Variants in MACF1 observed in about 807,000 individuals in gnomAD.
The protein encoded by MACF1 is microtubule actin crosslinking factor 1, also known as microtubule-actin cross-linking factor 1.
In MACF1, 193 loss-of-function variants were observed where a neutral mutation model predicts 854.8. That is an observed-to-expected ratio of 0.23 (90% CI 0.20 to 0.25). The LOEUF is 0.25. Ranked by LOEUF, MACF1 falls within the 10% of genes least tolerant of loss-of-function variation. MACF1 has a pLI of 1.00. For synonymous variants in MACF1, 3,185 were observed against 3,226.7 expected (o/e 0.99, Z 0.44); for missense variants, 7,722 against 8,929.1 (o/e 0.86, Z 5.45).
At position 39,105,894 on chromosome 1, in the gene MACF1, C is replaced by G. The variant is rs961004294; in HGVS notation, c.220+21456C>G. 6.6e-6 allele frequency among the ~76,000 whole-genome samples: 1 copy of G among 151,192 alleles called. No individual in the cohort carries two copies. The highest frequency in any genetic ancestry group is 6.6e-5 in the Admixed American group (1 of 15,188). ...GTTTATTTACAGAGTTGAGATAAGC[C>G]TTCGGAAACCGCCCCCGGGGCAGTC... On this transcript the variant is annotated intron_variant, in intron 2 of 93. Coordinates refer to the MACF1 transcript ENST00000361689. This position sits in a 1 kb window ranked among gnomAD's most constrained non-coding sequence, Gnocchi z 5.9.
At chr1:39,123,712 G>GTTTT (rs1206815949) in intron 2 of MACF1, among the ~76,000 whole-genome samples, 3 of 77,486 alleles carry the variant, frequency 3.9e-5, no homozygotes, top group African/African-American at 1.5e-4. Flanking sequence ...GCTAATTCTT[G>GTTTT]TTTTGTTTTT....
intron 36 of MACF1, 79 bp downstream of exon 36, chr1:39,327,432 A>G: frequency 7.0e-7 from 1 of 1,421,282 alleles, no homozygotes; most frequent in Non-Finnish European, 9.5e-7. Flanking sequence ...ATTCAGAGTC[A>G]TGATCACTAG....
intron 31 of MACF1, 70 bp from the exon 32 acceptor site, chr1:39,322,538 A>G: frequency 7.6e-7 from 1 of 1,312,114 alleles, no homozygotes; most frequent in Non-Finnish European, 1.1e-6. Flanking sequence ...ATAAAAAGCT[A>G]TGATTTATTA....
intron 95 of MACF1, 114 bp downstream of exon 95, chr1:39,465,226 C>T: frequency 9.5e-7 from 1 of 1,057,094 alleles, no homozygotes; most frequent in Non-Finnish European, 1.5e-6. Context: ...TGGGTCGCAC[C>T]TGGTTGTCTT....
intron 2 of MACF1, among the ~76,000 whole-genome samples, chr1:39,109,727 C>T (rs1301046782): frequency 1.3e-5 from 2 of 151,876 alleles, no homozygotes; most frequent in Non-Finnish European, 1.5e-5. Context: ...AATTTAGGCA[C>T]AGAGACTTAA....
At chr1:39,414,276 G>A (rs370308840) in intron 58 of MACF1, 5 of 1,614,052 alleles carry the variant, frequency 3.1e-6, no homozygotes, top group Non-Finnish European at 4.2e-6. Flanking sequence ...CCATTGGTGT[G>A]CCCTTCCTGG....
intron 52 of MACF1, 84 bp downstream of exon 52, chr1:39,372,680 G>A: frequency 1.1e-6 from 1 of 911,284 alleles, no homozygotes; most frequent in Non-Finnish European, 1.8e-6. Flanking sequence ...TATAATTAAA[G>A]TGAAAATCAA....
chr1:39,282,141 G>T, intron 6 of MACF1, 67 bp from the exon 7 acceptor site: 2 of 1,543,492 alleles, frequency 1.3e-6, no homozygotes. Context: ...ATAATGTATG[G>T]AGAAGAGAAG....
intron 49 of MACF1, among the ~76,000 whole-genome samples, chr1:39,364,994 A>C (rs919931303): frequency 6.6e-6 from 1 of 151,974 alleles, no homozygotes; most frequent in African/African-American, 2.4e-5. Flanking sequence ...GAATCATGTT[A>C]CCTTTTTCTG....
At chr1:39,147,582 C>G (rs1643496714) in intron 2 of MACF1, among the ~76,000 whole-genome samples, 1 of 151,532 alleles carries the variant, frequency 6.6e-6, no homozygotes, top group African/African-American at 2.4e-5. Flanking sequence ...TACAGTGGCA[C>G]AATCATAGCT....
intron 1 of MACF1, among the ~76,000 whole-genome samples, chr1:39,221,358 G>A (rs1469619593): frequency 6.6e-6 from 1 of 152,130 alleles, no homozygotes; most frequent in Non-Finnish European, 1.5e-5. Context: ...AAGATTTGTC[G>A]AAATAGGCTG....
intron 58 of MACF1, among the ~76,000 whole-genome samples, chr1:39,415,086 C>G (rs753231220): frequency 2.0e-5 from 3 of 152,114 alleles, no homozygotes; most frequent in Non-Finnish European, 4.4e-5. Flanking sequence ...AAGAATTTAC[C>G]AAAGTAGATT....
chr1:39,428,162 AGGC>A lies in MACF1; in HGVS notation c.16679_16681del (p.Arg5560_Leu5561delinsMet), dbSNP rs1357352099. On this transcript the variant is annotated inframe_deletion, in exon 63 of 101. Coordinates refer to ENST00000564288, the MANE Select transcript of MACF1 (RefSeq NM_001394062.1). Reference sequence around the variant, plus strand: ...ACTTGACCAAGCTCTGTCTAATGCTAGGCTGTTTGGGGAGGATGAGGTGGAGGT... The same window carrying A: ...ACTTGACCAAGCTCTGTCTAATGCTATGTTTGGGGAGGATGAGGTGGAGGT... 4 of 1,614,034 alleles carry A rather than the reference AGGC, an allele frequency of 2.5e-6. No homozygotes were observed. In the Admixed American group the frequency reaches 6.7e-5, roughly 27 times the overall value.
At chr1:39,390,880 G>A (rs919375669) in intron 58 of MACF1, among the ~76,000 whole-genome samples, 1 of 152,156 alleles carries the variant, frequency 6.6e-6, no homozygotes, top group African/African-American at 2.4e-5. Context: ...GGCCGAGGCG[G>A]GTGGATCACG....
At position 39,084,207 on chromosome 1, in the gene MACF1, C is replaced by G. The variant is rs753708943; in HGVS notation, c.-12C>G. 2.5e-6 allele frequency: 4 copies of G among 1,611,382 alleles called. No individual in the cohort carries two copies. The Admixed American group carries it at 6.7e-5, about 27-fold the overall frequency. On this transcript the variant is annotated 5_prime_UTR_variant, in exon 2 of 94. Coordinates refer to the MACF1 transcript ENST00000361689. The surrounding 1 kb of genome is among the most constrained non-coding windows in gnomAD (Gnocchi z 5.2). ...GCTCCCAGGCCCTCCTGCAGCAGCC[C>G]CCGCCTGGGCCATGTCTTCCTCAGA...
intron 6 of MACF1, among the ~76,000 whole-genome samples, chr1:39,280,797 C>G (rs1220417617): frequency 6.6e-6 from 1 of 152,086 alleles, no homozygotes; most frequent in Non-Finnish European, 1.5e-5. Flanking sequence ...AGGCTGGTCT[C>G]AAACTCCTGA....
At chr1:39,232,306 A>G (rs1246944878) in intron 2 of MACF1, among the ~76,000 whole-genome samples, 1 of 152,114 alleles carries the variant, frequency 6.6e-6, no homozygotes, top group Non-Finnish European at 1.5e-5. Flanking sequence ...AAAGGTCACC[A>G]GTGATCCCTT....
chr1:39,123,529 A>G (rs758476718), intron 2 of MACF1, among the ~76,000 whole-genome samples: 40 of 150,068 alleles, frequency 2.7e-4, no homozygotes, highest in Non-Finnish European at 4.9e-4. Flanking sequence ...TAATTTTATC[A>G]AGATTCCCAG....
intron 2 of MACF1, among the ~76,000 whole-genome samples, chr1:39,110,045 CAA>C (rs141312163): frequency 2.0e-5 from 3 of 151,510 alleles, no homozygotes; most frequent in Admixed American, 2.0e-4. Flanking sequence ...AAATAAAATA[CAA>C]AAAATACAAG....
Sources: allele counts gnomAD v4.1 joint callset (sites outside exome capture counted in the v4.1 genomes callset), GRCh38; gene constraint gnomAD v4.1.1; non-coding constraint Gnocchi (gnomAD v3.1); transcripts MANE v1.5; gene names NCBI Gene and HGNC (gene_info 2026-07-23, HGNC 2026-07-21).